PCDHA1: variants seen among roughly 807,000 people sequenced by gnomAD.
PCDHA1 encodes the protein protocadherin alpha-1.
Under a neutral mutation model 61.3 loss-of-function variants are expected in PCDHA1, and 42 were observed. That is an observed-to-expected ratio of 0.69 (90% CI 0.54 to 0.89). The LOEUF is 0.89. PCDHA1 is among the 40% of genes least tolerant of loss of function. PCDHA1 has a pLI of 0.00. For missense variants in PCDHA1, 1,256 were observed against 1,235.3 expected (o/e 1.02, Z -0.25); for synonymous variants, 610 against 553.8 (o/e 1.10, Z -1.43).
At chr5:140,929,249 G>C (rs1212088369) in intron 1 of PCDHA1, 14 of 1,613,366 alleles carry the variant, frequency 8.7e-6, no homozygotes, top group Non-Finnish European at 1.2e-5. Flanking sequence ...CTTGCCACTG[G>C]GGTAGGACTG....
chr5:140,923,665 C>T (rs369836298), intron 1 of PCDHA1, among the ~76,000 whole-genome samples: 77 of 152,288 alleles, frequency 5.1e-4, no homozygotes, highest in African/African-American at 1.6e-3. Flanking sequence ...TTTGGGATAT[C>T]GTTCTCTCTT....
chr5:141,000,421 A>AT lies in PCDHA1; in HGVS notation c.2543-9183dup, dbSNP rs34755515. Reference sequence around the variant, plus strand: ...TATATATATATATATATATATATATATTTTTTTTTTTTTTTTTTTTTTTGA... The same window carrying AT: ...TATATATATATATATATATATATATATTTTTTTTTTTTTTTTTTTTTTTTGA... On this transcript the variant is annotated intron_variant, in intron 3 of 3. Transcript: ENST00000504120. 8.6e-3 allele frequency among the ~76,000 whole-genome samples: 241 copies of AT among 27,996 alleles called. 11 individuals carry two copies. The highest frequency in any genetic ancestry group is 9.4e-3 in the African/African-American group (53 of 5,644). The allele number at this position is 27,996 out of a possible 152,430, so 18.4% of individuals were successfully genotyped here.
At chr5:140,856,784 T>A in intron 1 of PCDHA1, 1 of 1,596,522 alleles carries the variant, frequency 6.3e-7, no homozygotes. Flanking sequence ...CAGACCGGTT[T>A]ATGAAGTTAA....
intron 1 of PCDHA1, chr5:140,856,380 G>T: frequency 6.3e-7 from 1 of 1,598,530 alleles, no homozygotes; most frequent in Non-Finnish European, 8.6e-7. Flanking sequence ...ATCGTGGACA[G>T]GCCGCTGCAG....
At chr5:140,955,438 A>C (rs975663366) in intron 1 of PCDHA1, among the ~76,000 whole-genome samples, 2 of 151,994 alleles carry the variant, frequency 1.3e-5, no homozygotes, top group African/African-American at 4.8e-5. Context: ...ATTAGGTCTG[A>C]TGGTTTTATA....
chr5:140,928,081 C>G lies in PCDHA1; in HGVS notation c.2395-50868C>G, dbSNP rs782268064. On this transcript the variant is annotated intron_variant, in intron 1 of 3. Coordinates refer to ENST00000504120, the MANE Select transcript of PCDHA1 (RefSeq NM_018900.4). ...GGCTTCCTTTGACAACTACTACAGC[C>G]TGCTGATTGATGGGCCCCTGGACCG... is the stretch of plus-strand genomic sequence containing the variant. 6.2e-6 allele frequency: 10 copies of G among 1,614,090 alleles called. 1 individual carries two copies. In the South Asian group the frequency reaches 6.6e-5, roughly 11 times the overall value.
Position 140,823,152 on chromosome 5 carries a change from T to C in PCDHA1, c.2394+34468T>C, listed in dbSNP as rs148475115. On this transcript the variant is annotated intron_variant, in intron 1 of 3. Transcript: ENST00000504120. ...CTCCGGCGTTCGCGCAGCCCCAGTA[T>C]ACCGTGTTCGTGAAGGAGAACAACC... 6.2e-6 allele frequency: 10 copies of C among 1,613,648 alleles called. No homozygotes were observed. In the African/African-American group the frequency reaches 8.0e-5, roughly 13 times the overall value.
chr5:140,811,055 G>T (rs1295637288), intron 1 of PCDHA1: 1 of 151,942 alleles, frequency 6.6e-6, no homozygotes, highest in South Asian at 2.1e-4. Flanking sequence ...TGTGCACAAC[G>T]TGCAGGTTTG....
intron 1 of PCDHA1, among the ~76,000 whole-genome samples, chr5:140,918,659 G>A (rs1584109247): frequency 6.6e-6 from 1 of 152,172 alleles, no homozygotes; most frequent in Non-Finnish European, 1.5e-5. Context: ...TTCTCATGTT[G>A]ATGGTATGAA....
intron 1 of PCDHA1, chr5:140,930,393 CTT>C (rs879960332): frequency 4.1e-5 from 6 of 145,282 alleles, no homozygotes; most frequent in Admixed American, 6.9e-5. Flanking sequence ...TTCAAAACTT[CTT>C]TTTTTTTTTT....
intron 1 of PCDHA1, among the ~76,000 whole-genome samples, chr5:140,956,131 C>A (rs2095258276): frequency 6.6e-6 from 1 of 152,096 alleles, no homozygotes; most frequent in African/African-American, 2.4e-5. Flanking sequence ...TATTTGAATA[C>A]CCTTTATTTC....
chr5:140,818,379 G>A (rs1554127469), intron 1 of PCDHA1, among the ~76,000 whole-genome samples: 1 of 152,034 alleles, frequency 6.6e-6, no homozygotes, highest in East Asian at 1.9e-4. Flanking sequence ...CTTGAATCGT[G>A]GCATTTTTCC....
chr5:141,003,445 G>A (rs2098125256), intron 3 of PCDHA1, among the ~76,000 whole-genome samples: 1 of 152,112 alleles, frequency 6.6e-6, no homozygotes, highest in African/African-American at 2.4e-5. Flanking sequence ...CCAAGTAGAT[G>A]AAATTACAGG....
intron 1 of PCDHA1, among the ~76,000 whole-genome samples, chr5:140,973,378 A>C (rs1453357452): frequency 6.6e-6 from 1 of 152,238 alleles, no homozygotes; most frequent in Non-Finnish European, 1.5e-5. Context: ...CAATGGTCAG[A>C]ATAGACAAAG....
At chr5:140,830,343 CGCA>C in intron 1 of PCDHA1, 1 of 1,614,058 alleles carries the variant, frequency 6.2e-7, no homozygotes, top group Non-Finnish European at 8.5e-7. Context: ...TGGTCGTACT[CGCA>C]GCAGAGGCGG....
At chr5:140,795,356 C>T (rs781909912) in intron 1 of PCDHA1, 3 of 1,614,162 alleles carry the variant, frequency 1.9e-6, no homozygotes, top group Non-Finnish European at 2.5e-6. Flanking sequence ...GACAACCCGC[C>T]AATATTTCCA....
intron 1 of PCDHA1, among the ~76,000 whole-genome samples, chr5:140,885,133 T>G (rs2060482847): frequency 6.6e-6 from 1 of 152,216 alleles, no homozygotes; most frequent in Admixed American, 6.5e-5. Context: ...CTTTCTTTCT[T>G]TTTTTAAACT....
intron 1 of PCDHA1, among the ~76,000 whole-genome samples, chr5:140,894,264 G>A (rs1231047220): frequency 1.3e-5 from 2 of 151,820 alleles, no homozygotes; most frequent in African/African-American, 4.8e-5. Flanking sequence ...ACAAGTGGTA[G>A]CTTATTTACA....
At chr5:140,838,077 A>ATATAGTGTGTGT (rs1203070308) in intron 1 of PCDHA1, among the ~76,000 whole-genome samples, 2 of 80,700 alleles carry the variant, frequency 2.5e-5, no homozygotes, top group Admixed American at 2.3e-4. Context: ...ATATATATAT[A>ATATAGTGTGTGT]GTGTGTGTGT....
Sources: allele counts gnomAD v4.1 joint callset (sites outside exome capture counted in the v4.1 genomes callset), GRCh38; gene constraint gnomAD v4.1.1; transcripts MANE v1.5; gene names NCBI Gene and HGNC (gene_info 2026-07-23, HGNC 2026-07-21).